The following MACROD2 variants were observed in gnomAD, a reference collection of about 807,000 sequenced individuals.
The protein encoded by MACROD2 is mono-ADP ribosylhydrolase 2.
MACROD2 carries 36 observed loss-of-function variants against 70.4 expected under a neutral mutation model. The ratio of observed to expected loss-of-function variants is 0.51; its 90% confidence interval spans 0.39 to 0.68. The LOEUF (loss-of-function observed/expected upper bound fraction) is 0.68. Ranked by LOEUF, MACROD2 falls within the 30% of genes least tolerant of loss-of-function variation. The probability of loss-of-function intolerance (pLI) is 0.00; values close to 1 mark genes in which losing one functional copy is unlikely to be tolerated. For synonymous variants in MACROD2, 172 were observed against 178.8 expected (o/e 0.96, Z 0.30); for missense variants, 496 against 538.4 (o/e 0.92, Z 0.78).
At chr20:14,124,544 C>T (rs2054622889) in intron 3 of MACROD2, among the ~76,000 whole-genome samples, 1 of 152,238 alleles carries the variant, frequency 6.6e-6, no homozygotes, top group South Asian at 2.1e-4. Flanking sequence ...GATCCTGGAA[C>T]TGAAATGTCA....
At chr20:14,980,951 C>G (rs1386864186) in intron 5 of MACROD2, among the ~76,000 whole-genome samples, 1 of 152,056 alleles carries the variant, frequency 6.6e-6, no homozygotes, top group Non-Finnish European at 1.5e-5. Context: ...CCAGTAGGCC[C>G]CTCCTTAGCT....
chr20:15,057,889 G>C (rs2075499655), intron 5 of MACROD2, among the ~76,000 whole-genome samples: 1 of 152,088 alleles, frequency 6.6e-6, no homozygotes, highest in African/African-American at 2.4e-5. Context: ...TTTATTCAGT[G>C]CAGATAGTTT....
intron 5 of MACROD2, among the ~76,000 whole-genome samples, chr20:15,203,426 C>T (rs1359513971): frequency 1.3e-5 from 2 of 152,092 alleles, no homozygotes; most frequent in African/African-American, 4.8e-5. Context: ...TCACAGAGTG[C>T]AGCAGTGATT....
intron 3 of MACROD2, among the ~76,000 whole-genome samples, chr20:14,133,927 T>C (rs1452059524): frequency 6.6e-6 from 1 of 152,196 alleles, no homozygotes; most frequent in Non-Finnish European, 1.5e-5. Context: ...GACTGATTGC[T>C]GTGGAAATAT....
At chr20:14,573,701 A>G (rs185716550) in intron 4 of MACROD2, among the ~76,000 whole-genome samples, 69 of 152,284 alleles carry the variant, frequency 4.5e-4, no homozygotes, top group Non-Finnish European at 7.4e-4. Flanking sequence ...TTTTGAAAGT[A>G]TTCCATACCT....
chr20:15,001,249 A>T (rs2074992973), intron 5 of MACROD2, among the ~76,000 whole-genome samples: 1 of 152,150 alleles, frequency 6.6e-6, no homozygotes, highest in Admixed American at 6.6e-5. Context: ...CTACCAGATC[A>T]CCTCTCAAAG....
chr20:15,674,247 A>G (rs1314840520), intron 8 of MACROD2, among the ~76,000 whole-genome samples: 1 of 152,096 alleles, frequency 6.6e-6, no homozygotes, highest in Non-Finnish European at 1.5e-5. Flanking sequence ...ACGGAAGGGG[A>G]AGAGGGGAAG....
intron 4 of MACROD2, among the ~76,000 whole-genome samples, chr20:14,613,225 A>G (rs1451680445): frequency 6.6e-6 from 1 of 152,170 alleles, no homozygotes; most frequent in Non-Finnish European, 1.5e-5. Flanking sequence ...TGTTTGCGAT[A>G]CATGAATGTA....
At chr20:15,698,731 T>C (rs2050412580) in intron 8 of MACROD2, among the ~76,000 whole-genome samples, 1 of 152,136 alleles carries the variant, frequency 6.6e-6, no homozygotes, top group Non-Finnish European at 1.5e-5. Context: ...TTTGGTCATT[T>C]AACATAATCC....
intron 8 of MACROD2, among the ~76,000 whole-genome samples, chr20:15,530,517 G>A (rs1176277853): frequency 6.6e-6 from 1 of 151,926 alleles, no homozygotes; most frequent in African/African-American, 2.4e-5. Flanking sequence ...CGGATCACGA[G>A]GTTAGGAAAT....
chr20:15,485,927 C>T (rs759745217), intron 7 of MACROD2, among the ~76,000 whole-genome samples: 8 of 151,942 alleles, frequency 5.3e-5, no homozygotes, highest in African/African-American at 1.9e-4. Context: ...GAATCGCAGT[C>T]GATTACTCAG....
At chr20:14,729,222 T>A (rs181231947) in intron 5 of MACROD2, among the ~76,000 whole-genome samples, 1 of 152,310 alleles carries the variant, frequency 6.6e-6, no homozygotes, top group Admixed American at 6.5e-5. Flanking sequence ...TAGATGATTA[T>A]AAGTTAAAAT....
intron 7 of MACROD2, among the ~76,000 whole-genome samples, chr20:15,450,692 TTGCAAAATAG>T (rs2046629250): frequency 6.6e-6 from 1 of 152,170 alleles, no homozygotes; most frequent in African/African-American, 2.4e-5. Flanking sequence ...CATCTATTTC[TTGCAAAATAG>T]TGACAATGAG....
intron 3 of MACROD2, among the ~76,000 whole-genome samples, chr20:14,150,903 A>G (rs2148711014): frequency 6.6e-6 from 1 of 152,330 alleles, no homozygotes; most frequent in Middle Eastern, 3.4e-3. Flanking sequence ...ATTGGGGGTT[A>G]CATGCCTAAT....
intron 3 of MACROD2, among the ~76,000 whole-genome samples, chr20:14,377,173 TG>T (rs1409453519): frequency 2.0e-5 from 3 of 152,136 alleles, no homozygotes; most frequent in African/African-American, 7.2e-5. Flanking sequence ...TACAGATGTG[TG>T]TTGAAGGGCT....
At chr20:14,730,208 T>C (rs1341386346) in intron 5 of MACROD2, among the ~76,000 whole-genome samples, 2 of 152,118 alleles carry the variant, frequency 1.3e-5, no homozygotes, top group Admixed American at 1.3e-4. Context: ...CGGAGGACAC[T>C]GGTTTTTGAC....
At chr20:15,495,449 A>C (rs1241730532) in intron 7 of MACROD2, among the ~76,000 whole-genome samples, 1 of 152,228 alleles carries the variant, frequency 6.6e-6, no homozygotes, top group African/African-American at 2.4e-5. Context: ...ATAAATCTCT[A>C]TATTTTTCCC....
intron 5 of MACROD2, among the ~76,000 whole-genome samples, chr20:15,213,380 C>A (rs2076780737): frequency 6.6e-6 from 1 of 152,048 alleles, no homozygotes; most frequent in African/African-American, 2.4e-5. Context: ...AAATAATCAG[C>A]CTCATTCTGC....
intron 8 of MACROD2, among the ~76,000 whole-genome samples, chr20:15,551,087 A>T (rs944154221): frequency 6.6e-6 from 1 of 152,202 alleles, no homozygotes; most frequent in Non-Finnish European, 1.5e-5. Flanking sequence ...ATGTGGGTGT[A>T]GGGAAGGAGA....
Sources: gnomAD v4.1 joint callset for allele counts (sites outside exome capture counted in the v4.1 genomes callset) on GRCh38, gnomAD v4.1.1 for gene constraint, MANE v1.5 for transcripts, NCBI Gene and HGNC (gene_info 2026-07-23, HGNC 2026-07-21) for gene names.